NAA11: variants seen among roughly 807,000 people sequenced by gnomAD.
NAA11 encodes N-alpha-acetyltransferase 11, NatA catalytic subunit.
A neutral mutation model predicts 16.1 loss-of-function variants in NAA11; 15 were observed. That is an observed-to-expected ratio of 0.93 (90% CI 0.62 to 1.44). The LOEUF (loss-of-function observed/expected upper bound fraction) is 1.44. NAA11 is among the 40% of genes most tolerant of loss of function. The pLI is 0.00. For synonymous variants in NAA11, 122 were observed against 112.4 expected (o/e 1.09, Z -0.54); for missense variants, 298 against 291.3 (o/e 1.02, Z -0.17).
the NAA11 span, among the ~76,000 whole-genome samples, chr4:79,209,509 A>G: frequency 2.6e-5 from 4 of 151,940 alleles, no homozygotes; most frequent in East Asian, 5.8e-4. Context: ...ACCCAACCCA[A>G]CTCCCCAGAG....
the NAA11 span, among the ~76,000 whole-genome samples, chr4:79,209,775 G>A: frequency 1.3e-5 from 2 of 152,036 alleles, no homozygotes; most frequent in African/African-American, 4.8e-5. Flanking sequence ...GCTGGGCGTC[G>A]TGGCTCGCAT....
At chr4:79,220,731 A>G (rs529224907), downstream of NAA11, among the ~76,000 whole-genome samples, 152 of 152,188 alleles carry the variant, frequency 1.0e-3, no homozygotes, top group Non-Finnish European at 1.8e-3. Context: ...CCACTGATCA[A>G]TATCTCTGTT....
intron 2 of NAA11, among the ~76,000 whole-genome samples, chr4:79,286,970 ATGG>A (rs771814377): frequency 9.9e-5 from 15 of 152,256 alleles, no homozygotes; most frequent in Non-Finnish European, 2.1e-4. Context: ...TGGATTAAAG[ATGG>A]TATGGTACAA....
intron 2 of NAA11, among the ~76,000 whole-genome samples, chr4:79,246,376 C>CAAAAAAAAAAAAAAAAAA (rs1560420199): frequency 8.8e-6 from 1 of 114,184 alleles, no homozygotes; most frequent in African/African-American, 3.7e-5. Context: ...TCAATAAATA[C>CAAAAAAAAAAAAAAAAAA]TAAAAAAAAA....
At chr4:79,247,126 C>T (rs1038696379) in intron 2 of NAA11, among the ~76,000 whole-genome samples, 1 of 152,090 alleles carries the variant, frequency 6.6e-6, no homozygotes, top group African/African-American at 2.4e-5. Flanking sequence ...GCTTAGAAAA[C>T]AGTGAAAAAC....
chr4:79,161,004 A>C, the NAA11 span, among the ~76,000 whole-genome samples: 1 of 152,152 alleles, frequency 6.6e-6, no homozygotes, highest in Non-Finnish European at 1.5e-5. Context: ...TGTCTAAGAG[A>C]CCATTGATTA....
At chr4:79,156,352 G>GAT in the NAA11 span, among the ~76,000 whole-genome samples, 28 of 151,376 alleles carry the variant, frequency 1.8e-4, no homozygotes, top group Non-Finnish European at 3.4e-4. Context: ...TTCATATAGG[G>GAT]ATATATATAT....
intron 2 of NAA11, among the ~76,000 whole-genome samples, chr4:79,271,116 A>G (rs1722482255): frequency 2.2e-5 from 1 of 44,628 alleles, no homozygotes; most frequent in Non-Finnish European, 4.5e-5. Flanking sequence ...ACATGATTGT[A>G]TATCTAGAAA....
rs1722639542 is a variant in NAA11 at position 79,276,017 on chromosome 4, G to T, written c.*122+17988C>A. Among the ~76,000 whole-genome samples, 3 of 152,114 alleles carry T rather than the reference G, an allele frequency of 2.0e-5. No individual in the cohort carries two copies. In the South Asian group the frequency reaches 6.2e-4, roughly 32 times the overall value. ...TTTAAAAGGACAAGATTATTTTAAT[G>T]GTTTTTGTTATTGTTGCTAAAAGTT... On this transcript the variant is annotated intron_variant and NMD_transcript_variant, in intron 2 of 2. Coordinates refer to the NAA11 transcript ENST00000511542.
At chr4:79,181,020 G>A in the NAA11 span, among the ~76,000 whole-genome samples, 2 of 151,790 alleles carry the variant, frequency 1.3e-5, no homozygotes. Flanking sequence ...CATAGGTGGC[G>A]ACTGAACAAT....
the NAA11 span, among the ~76,000 whole-genome samples, chr4:79,196,478 T>C: frequency 6.6e-6 from 1 of 152,042 alleles, no homozygotes; most frequent in Non-Finnish European, 1.5e-5. Flanking sequence ...GCCCTAGAGA[T>C]CAGCTAGAAC....
At chr4:79,322,682 G>C (rs893715808) in intron 1 of NAA11, among the ~76,000 whole-genome samples, 2 of 152,162 alleles carry the variant, frequency 1.3e-5, no homozygotes, top group African/African-American at 4.8e-5. Flanking sequence ...AAAGAGTCTT[G>C]AGAGAGCCCT....
At chr4:79,273,991 A>AG (rs1722561399) in intron 2 of NAA11, among the ~76,000 whole-genome samples, 1 of 151,934 alleles carries the variant, frequency 6.6e-6, no homozygotes, top group Non-Finnish European at 1.5e-5. Context: ...GGATATCTGA[A>AG]GGTGACACAT....
intron 1 of NAA11, among the ~76,000 whole-genome samples, chr4:79,303,398 A>G (rs905697352): frequency 3.3e-5 from 5 of 151,988 alleles, no homozygotes; most frequent in Admixed American, 1.3e-4. Flanking sequence ...TGATCACTGC[A>G]GCCTCAAACT....
At chr4:79,189,145 C>CAAAAGAAAAAAAAAAAA in the NAA11 span, among the ~76,000 whole-genome samples, 1 of 42,282 alleles carries the variant, frequency 2.4e-5, no homozygotes, top group Non-Finnish European at 4.8e-5. Flanking sequence ...GACTCCATCT[C>CAAAAGAAAAAAAAAAAA]AAAAAAAAAA....
chr4:79,191,938 A>G, the NAA11 span, among the ~76,000 whole-genome samples: 3 of 152,234 alleles, frequency 2.0e-5, no homozygotes, highest in African/African-American at 7.2e-5. Context: ...TTGAACAGAG[A>G]GTCTTTACCC....
At position 79,282,403 on chromosome 4, in the gene NAA11, G is replaced by A. The variant is rs1722814230; in HGVS notation, c.*122+11602C>T. 2.0e-5 allele frequency among the ~76,000 whole-genome samples: 3 copies of A among 152,174 alleles called. No homozygotes were observed. The South Asian group carries it at 6.2e-4, about 32-fold the overall frequency. On this transcript the variant is annotated intron_variant and NMD_transcript_variant, in intron 2 of 2. Coordinates refer to the NAA11 transcript ENST00000511542. The stretch of plus-strand genomic sequence containing the variant: ...ATAGCATGATAGGAGTAGAAGCCAA[G>A]CACTATATTAGGAGACAATAGAAGA...
intron 2 of NAA11, among the ~76,000 whole-genome samples, chr4:79,246,837 A>C (rs1277456784): frequency 6.6e-6 from 1 of 152,240 alleles, no homozygotes; most frequent in Admixed American, 6.5e-5. Flanking sequence ...CTTAGAATTC[A>C]AATTCCTTTG....
the NAA11 span, among the ~76,000 whole-genome samples, chr4:79,193,549 T>C: frequency 6.6e-6 from 1 of 152,162 alleles, no homozygotes; most frequent in South Asian, 2.1e-4. Context: ...TATGCAGCAT[T>C]ATTTCTGAGG....
Sources: gnomAD v4.1 joint callset for allele counts (sites outside exome capture counted in the v4.1 genomes callset) on GRCh38, gnomAD v4.1.1 for gene constraint, MANE v1.5 for transcripts, NCBI Gene and HGNC (gene_info 2026-07-23, HGNC 2026-07-21) for gene names.